BMPR1A: variants seen among roughly 807,000 people sequenced by gnomAD.
BMPR1A encodes the protein bone morphogenetic protein receptor type 1A.
Under a neutral mutation model 66.0 loss-of-function variants are expected in BMPR1A, and 7 were observed. The observed-to-expected ratio is 0.11, with a 90% CI of 0.06 to 0.20. BMPR1A has a LOEUF of 0.20. Ranked by LOEUF, BMPR1A falls within the 10% of genes least tolerant of loss-of-function variation. BMPR1A has a pLI of 1.00. For missense variants in BMPR1A, 408 were observed against 669.1 expected (o/e 0.61, Z 4.31); for synonymous variants, 200 against 229.7 (o/e 0.87, Z 1.17).
At chr10:86,853,014 A>G (rs1425878908) in intron 2 of BMPR1A, among the ~76,000 whole-genome samples, 1 of 152,222 alleles carries the variant, frequency 6.6e-6, no homozygotes, top group Non-Finnish European at 1.5e-5. Flanking sequence ...TATTTGAAAG[A>G]TTGATCAAGA....
At chr10:86,861,030 A>G (rs1302704482) in intron 2 of BMPR1A, among the ~76,000 whole-genome samples, 1 of 151,768 alleles carries the variant, frequency 6.6e-6, no homozygotes, top group Non-Finnish European at 1.5e-5. Context: ...TTTAGTAGAG[A>G]CAGGGTTTCA....
chr10:86,776,160 T>C (rs1841344870), intron 1 of BMPR1A, among the ~76,000 whole-genome samples: 1 of 152,234 alleles, frequency 6.6e-6, no homozygotes. Context: ...TTTTGAAATA[T>C]AGCTATTAAC....
chr10:86,847,647 C>T (rs916657999), intron 2 of BMPR1A, among the ~76,000 whole-genome samples: 93 of 151,730 alleles, frequency 6.1e-4, no homozygotes, highest in African/African-American at 2.1e-3. Flanking sequence ...GCCAGGAGTT[C>T]GAGACCCCAT....
At chr10:86,878,781 A>C (rs1842951412) in intron 3 of BMPR1A, among the ~76,000 whole-genome samples, 1 of 152,226 alleles carries the variant, frequency 6.6e-6, no homozygotes, top group Non-Finnish European at 1.5e-5. Flanking sequence ...ACTGGAAAAC[A>C]GAGAAACAGG....
rs1251509897 is a variant in BMPR1A, at chr10:86,892,193, G to T, written c.297G>T (p.Gly99=). 2 of 1,613,930 alleles carry T rather than the reference G, an allele frequency of 1.2e-6. No homozygotes were observed. Among genetic ancestry groups the T allele is most frequent in the Non-Finnish European group, 8.5e-7 (1 of 1,179,840 alleles). ...AGGGAGAAACCACATTAGCTTCAGG[G>T]TGTATGAAATATGAAGGATCTGATT... is the stretch of plus-strand genomic sequence containing the variant. ...DDQGETTLAS[G]CMKYEGSDFQ... Residue 99 remains glycine (G), a synonymous_variant, in exon 5 of 13, where the codon GGG becomes GGT. Coordinates refer to ENST00000372037, the MANE Select transcript of BMPR1A (RefSeq NM_004329.3).
At chr10:86,794,976 C>T (rs1433270293) in intron 1 of BMPR1A, among the ~76,000 whole-genome samples, 2 of 151,614 alleles carry the variant, frequency 1.3e-5, no homozygotes, top group African/African-American at 4.8e-5. Flanking sequence ...CTCAGCCTCC[C>T]GAGTAGCTGG....
chr10:86,770,055 G>T (rs1841228299), intron 1 of BMPR1A, among the ~76,000 whole-genome samples: 1 of 152,100 alleles, frequency 6.6e-6, no homozygotes, highest in African/African-American at 2.4e-5. Flanking sequence ...ACTTTGGGAG[G>T]CCGAGGTGGG....
At chr10:86,770,837 C>CA (rs1841247092) in intron 1 of BMPR1A, among the ~76,000 whole-genome samples, 2 of 152,160 alleles carry the variant, frequency 1.3e-5, no homozygotes, top group African/African-American at 2.4e-5. Flanking sequence ...GATAGAGAAA[C>CA]AATTGTTTCT....
At chr10:86,843,933 AAAAG>A (rs1842453548) in intron 2 of BMPR1A, among the ~76,000 whole-genome samples, 1 of 152,154 alleles carries the variant, frequency 6.6e-6, no homozygotes, top group Admixed American at 6.6e-5. Flanking sequence ...GTGGAAATAG[AAAAG>A]AAAGACTCAA....
At chr10:86,778,680 A>G (rs1383469639) in intron 1 of BMPR1A, among the ~76,000 whole-genome samples, 2 of 152,188 alleles carry the variant, frequency 1.3e-5, no homozygotes, top group Non-Finnish European at 2.9e-5. Flanking sequence ...GATAAAGGAT[A>G]AAGTACTAGA....
At chr10:86,772,113 T>C (rs574995153) in intron 1 of BMPR1A, among the ~76,000 whole-genome samples, 57 of 149,200 alleles carry the variant, frequency 3.8e-4, no homozygotes, top group Non-Finnish European at 7.2e-4. Flanking sequence ...TAATTGGCGA[T>C]GGTCAGAGAT....
At chr10:86,891,912 A>C (rs1843155013) in intron 4 of BMPR1A, among the ~76,000 whole-genome samples, 1 of 152,222 alleles carries the variant, frequency 6.6e-6, no homozygotes, top group East Asian at 1.9e-4. Flanking sequence ...TTCTTGACAA[A>C]GGGTTGTCAC....
intron 1 of BMPR1A, among the ~76,000 whole-genome samples, chr10:86,764,060 G>T (rs1427685832): frequency 6.6e-6 from 1 of 152,080 alleles, no homozygotes; most frequent in Admixed American, 6.5e-5. Context: ...CAAAGTGCTG[G>T]GATTACAGGC....
chr10:86,879,367 C>G (rs761536666), intron 3 of BMPR1A, among the ~76,000 whole-genome samples: 18 of 152,238 alleles, frequency 1.2e-4, no homozygotes, highest in Non-Finnish European at 2.5e-4. Context: ...TCATTATATG[C>G]TCTTGTGTTA....
chr10:86,764,662 T>A (rs1483140221), intron 1 of BMPR1A, among the ~76,000 whole-genome samples: 2 of 152,236 alleles, frequency 1.3e-5, no homozygotes, highest in Non-Finnish European at 2.9e-5. Flanking sequence ...CTTTGCTTCC[T>A]TTCCTACTAT....
intron 1 of BMPR1A, among the ~76,000 whole-genome samples, chr10:86,759,421 G>GT (rs1840991403): frequency 6.6e-6 from 1 of 151,944 alleles, no homozygotes; most frequent in Admixed American, 6.6e-5. Context: ...TGTTTGTTTT[G>GT]TTTTTTCTTT....
chr10:86,798,048 TATTA>T (rs1487893591), intron 1 of BMPR1A, among the ~76,000 whole-genome samples: 12 of 152,232 alleles, frequency 7.9e-5, no homozygotes, highest in East Asian at 1.9e-4. Context: ...TATTTTGATA[TATTA>T]ATTGCTAGTG....
At chr10:86,771,785 T>G (rs1841266066) in intron 1 of BMPR1A, among the ~76,000 whole-genome samples, 1 of 152,012 alleles carries the variant, frequency 6.6e-6, no homozygotes, top group Non-Finnish European at 1.5e-5. Context: ...TGAAGCAGGG[T>G]CTCACGCATT....
In BMPR1A at chr10:86,923,807, A is replaced by C; in HGVS notation, c.*88A>C. 6.5e-7 allele frequency: 1 copy of C among 1,540,950 alleles called. No individual in the cohort carries two copies. Among genetic ancestry groups the C allele is most frequent in the South Asian group, 1.1e-5 (1 of 88,672 alleles). On this transcript the variant is annotated 3_prime_UTR_variant, in exon 13 of 13. Transcript: ENST00000372037. ...GGAATTAGAGTGGAATAAGGATGTTAACTTGGTTCTCAGACTCTTTCTTCA... is the reference window on the plus strand; with the variant it reads ...GGAATTAGAGTGGAATAAGGATGTTCACTTGGTTCTCAGACTCTTTCTTCA...
Sources: allele counts gnomAD v4.1 joint callset (sites outside exome capture counted in the v4.1 genomes callset), GRCh38; gene constraint gnomAD v4.1.1; transcripts MANE v1.5; gene names NCBI Gene and HGNC (gene_info 2026-07-23, HGNC 2026-07-21).